The following GABRR3 variants were observed in gnomAD, a reference collection of about 807,000 sequenced individuals.
GABRR3 encodes the protein gamma-aminobutyric acid receptor subunit rho-3.
GABRR3 carries 29 observed loss-of-function variants against 43.2 expected under a neutral mutation model. The observed-to-expected ratio is 0.67, with a 90% CI of 0.50 to 0.92. The LOEUF is 0.92. Among genes scored for constraint, GABRR3 ranks in the 40% least tolerant of loss-of-function variants. The pLI, the probability that GABRR3 is intolerant of heterozygous loss-of-function variation, is 0.00. For synonymous variants in GABRR3, 206 were observed against 195.9 expected, an observed-to-expected ratio of 1.05 and a Z score of -0.43; for missense variants, 576 against 572.3, an observed-to-expected ratio of 1.01 and a Z score of -0.07.
chr3:98,030,933 G>T (rs533636624), intron 2 of GABRR3, among the ~76,000 whole-genome samples: 1 of 152,214 alleles, frequency 6.6e-6, no homozygotes, highest in East Asian at 1.9e-4. Context: ...AGGTAAAGTA[G>T]TGGGAAAATC....
intron 8 of GABRR3, among the ~76,000 whole-genome samples, chr3:97,996,927 C>T (rs529363132): frequency 7.9e-5 from 12 of 152,160 alleles, no homozygotes; most frequent in African/African-American, 1.4e-4. Flanking sequence ...CAGTTAGCAA[C>T]GAAAAATATG....
intron 8 of GABRR3, chr3:97,998,415 A>C (rs562184004): frequency 6.6e-6 from 1 of 152,308 alleles, no homozygotes; most frequent in East Asian, 1.9e-4. Context: ...CCAATGCATC[A>C]GTGAAAAGTC....
chr3:97,985,244 C>T (rs115483991), downstream of GABRR3, among the ~76,000 whole-genome samples: 2,614 of 152,272 alleles, frequency 0.017, 40 homozygotes, highest in Middle Eastern at 0.034. Context: ...TGCACACTGC[C>T]AATCTGCAAA....
exon 9 of GABRR3, chr3:97,992,913 T>C (rs1559773418): frequency 3.1e-6 from 5 of 1,613,614 alleles, no homozygotes; most frequent in African/African-American, 1.3e-5. Context: ...CACAGCTGCA[T>C]ACTCAATGAC....
At chr3:98,009,995 G>A (rs568818688) in intron 5 of GABRR3, among the ~76,000 whole-genome samples, 2 of 152,198 alleles carry the variant, frequency 1.3e-5, no homozygotes, top group Non-Finnish European at 2.9e-5. Flanking sequence ...GCTAGGTAGT[G>A]TCAGAACCAA....
chr3:98,013,613 T>C (rs1043802209), intron 4 of GABRR3, among the ~76,000 whole-genome samples: 4 of 152,364 alleles, frequency 2.6e-5, no homozygotes, highest in African/African-American at 9.6e-5. Flanking sequence ...AAAGGATACA[T>C]TTCAGTAAAC....
intron 8 of GABRR3, among the ~76,000 whole-genome samples, chr3:97,993,731 C>T (rs1352227439): frequency 1.3e-5 from 2 of 152,034 alleles, no homozygotes; most frequent in African/African-American, 4.8e-5. Flanking sequence ...TCCCCATTCC[C>T]CTCCTTTCTC....
chr3:97,995,449 T>C (rs1224309600), intron 8 of GABRR3, among the ~76,000 whole-genome samples: 2 of 152,276 alleles, frequency 1.3e-5, no homozygotes, highest in East Asian at 3.9e-4. Context: ...TGATAACTAC[T>C]GGGCAAATAA....
chr3:98,023,513 A>T (rs138788512), intron 3 of GABRR3, among the ~76,000 whole-genome samples: 2 of 152,146 alleles, frequency 1.3e-5, no homozygotes, highest in Non-Finnish European at 2.9e-5. Flanking sequence ...AAGATCTTTT[A>T]TAGAATCACA....
At chr3:97,992,959 A>G (rs1292543219) in exon 9 of GABRR3, 1 of 1,613,698 alleles carries the variant, frequency 6.2e-7, no homozygotes. Context: ...ACCCACAGGT[A>G]CACATCCACA....
chr3:98,016,795 A>T (rs1428986511), intron 4 of GABRR3, among the ~76,000 whole-genome samples: 1 of 152,232 alleles, frequency 6.6e-6, no homozygotes, highest in Non-Finnish European at 1.5e-5. Context: ...GAGCAAAAAA[A>T]CTGAAAAACC....
In GABRR3 at chr3:98,033,690, G is replaced by GA. The variant is rs995405633; in HGVS notation, c.125+1172dup. On this transcript the variant is annotated intron_variant, in intron 2 of 9. Coordinates refer to ENST00000621172, the Ensembl canonical transcript of GABRR3. ...TACTATAAAACGTAATAAGCTATAT[G>GA]AAAAAAAATAGAGTCTGGTGGTACA... Among the ~76,000 whole-genome samples, 6 of 151,878 alleles carry GA rather than the reference G, an allele frequency of 4.0e-5. No individual in the cohort carries two copies. In the East Asian group the frequency reaches 7.7e-4, roughly 20 times the overall value.
chr3:97,991,728 T>TGG (rs778974244), intron 9 of GABRR3, among the ~76,000 whole-genome samples: 2 of 152,132 alleles, frequency 1.3e-5, no homozygotes, highest in Non-Finnish European at 2.9e-5. Flanking sequence ...AGATCTATAC[T>TGG]GGGGGCTGAC....
intron 6 of GABRR3, among the ~76,000 whole-genome samples, chr3:98,008,225 C>G (rs1022032145): frequency 2.0e-5 from 3 of 152,182 alleles, no homozygotes; most frequent in Non-Finnish European, 4.4e-5. Flanking sequence ...CAGAGTGACA[C>G]CATAGCATCC....
At chr3:98,014,718 T>C (rs940152681) in intron 4 of GABRR3, among the ~76,000 whole-genome samples, 5 of 152,220 alleles carry the variant, frequency 3.3e-5, no homozygotes, top group Admixed American at 3.3e-4. Context: ...AGAATTTTTA[T>C]GTGTTCTGAA....
rs577174607 is a variant in GABRR3 at position 98,029,660 on chromosome 3, C to T, written c.126-3981G>A. Among the ~76,000 whole-genome samples the T allele has an allele frequency of 7.9e-5, 12 of 151,934 alleles. No homozygotes were observed. In the East Asian group the frequency reaches 9.7e-4, roughly 12 times the overall value. ...AATTTGAAAAGAACTAGGTCTGACA[C>T]GAAGAGACTAGTTACCCAAGGGAGG... is the stretch of plus-strand genomic sequence containing the variant. On this transcript the variant is annotated intron_variant, in intron 2 of 9. Coordinates refer to ENST00000621172, the Ensembl canonical transcript of GABRR3.
At chr3:97,999,037 A>T (rs906195338) in intron 8 of GABRR3, 4 of 152,146 alleles carry the variant, frequency 2.6e-5, no homozygotes, top group African/African-American at 9.7e-5. Context: ...GCCAAAGATT[A>T]AGAAGGAAAT....
In GABRR3 at chr3:98,007,579, G is replaced by C. The variant is rs546241179; in HGVS notation, c.754+185C>G. ...GAAGCAAGGCATCTAGTTAGAGGTG[G>C]CTGCATGAGTGGGAAAGAAACGATG... On this transcript the variant is annotated intron_variant, in intron 7 of 9. Coordinates refer to ENST00000621172, the Ensembl canonical transcript of GABRR3. 15 of 163,078 alleles carry C rather than the reference G, an allele frequency of 9.2e-5. 1 individual carries two copies. The highest frequency in any genetic ancestry group is 3.6e-4 in the African/African-American group (15 of 41,760). The allele number at this position is 163,078 out of a possible 1,614,324, so 10.1% of individuals were successfully genotyped here.
chr3:97,993,030 G>T (rs545307616), exon 9 of GABRR3: 2 of 1,608,892 alleles, frequency 1.2e-6, no homozygotes, highest in African/African-American at 2.7e-5. Context: ...TGTGGACATG[G>T]TCAGCACTGT....
Sources: allele counts gnomAD v4.1 joint callset (sites outside exome capture counted in the v4.1 genomes callset), GRCh38; gene constraint gnomAD v4.1.1; transcripts MANE v1.5; gene names NCBI Gene and HGNC (gene_info 2026-07-23, HGNC 2026-07-21).